Variants in ZNF407 observed in about 807,000 individuals in gnomAD.
ZNF407 encodes zinc finger protein 407.
ZNF407 carries 17 observed loss-of-function variants against 131.2 expected under a neutral mutation model. The observed-to-expected ratio is 0.13, with a 90% CI of 0.09 to 0.19. The LOEUF is 0.19. ZNF407 is among the 10% of genes least tolerant of loss of function. The pLI, the probability that ZNF407 is intolerant of heterozygous loss-of-function variation, is 1.00. For synonymous variants in ZNF407, 1,156 were observed against 1,062.0 expected, an observed-to-expected ratio of 1.09 and a Z score of -1.72; for missense variants, 2,681 against 2,830.6, an observed-to-expected ratio of 0.95 and a Z score of 1.20.
intron 1 of ZNF407, among the ~76,000 whole-genome samples, chr18:74,630,088 C>T (rs565465491): frequency 3.3e-5 from 5 of 151,020 alleles, no homozygotes; most frequent in African/African-American, 2.4e-5. Flanking sequence ...TGAGATTATA[C>T]GTGTTGTTCA....
rs2145241641 is a variant in ZNF407, at chr18:74,920,494, T to C, written c.5250-20T>C. 6.4e-7 allele frequency: 1 copy of C among 1,554,710 alleles called. No individual in the cohort carries two copies. Among genetic ancestry groups the C allele is most frequent in the East Asian group, 2.3e-5 (1 of 43,788 alleles). ...TTGGTTTGACCTTAATTAGATTTACTTTTCTGTCTTACTTGGTAGGTCAAA... is the reference window on the plus strand; with the variant it reads ...TTGGTTTGACCTTAATTAGATTTACCTTTCTGTCTTACTTGGTAGGTCAAA... On this transcript the variant is annotated intron_variant, in intron 7 of 8. Transcript: ENST00000299687.
intron 3 of ZNF407, among the ~76,000 whole-genome samples, chr18:74,725,664 T>G (rs1968139638): frequency 6.6e-6 from 1 of 152,192 alleles, no homozygotes; most frequent in South Asian, 2.1e-4. Flanking sequence ...AATTTCAGTC[T>G]CTTAGAGTTT....
chr18:74,926,535 G>A (rs1275958260), intron 8 of ZNF407, among the ~76,000 whole-genome samples: 1 of 152,124 alleles, frequency 6.6e-6, no homozygotes. Flanking sequence ...CAGGCGTGGT[G>A]GCTCACGCCT....
intron 4 of ZNF407, among the ~76,000 whole-genome samples, chr18:74,816,078 T>C (rs1568228203): frequency 6.6e-6 from 1 of 152,218 alleles, no homozygotes; most frequent in African/African-American, 2.4e-5. Flanking sequence ...CATGACTGAA[T>C]GTACAGGATA....
At chr18:74,900,441 C>T (rs957112633) in intron 7 of ZNF407, among the ~76,000 whole-genome samples, 5 of 152,256 alleles carry the variant, frequency 3.3e-5, no homozygotes, top group African/African-American at 1.2e-4. Flanking sequence ...ACCTATACAC[C>T]CCAAAAGGTG....
At chr18:74,816,958 A>G (rs1332899349) in intron 4 of ZNF407, among the ~76,000 whole-genome samples, 2 of 152,194 alleles carry the variant, frequency 1.3e-5, no homozygotes, top group Non-Finnish European at 2.9e-5. Flanking sequence ...GTTTGTGCAC[A>G]AAAAATTTAT....
intron 8 of ZNF407, among the ~76,000 whole-genome samples, chr18:74,958,156 T>C (rs1389510295): frequency 6.6e-6 from 1 of 152,206 alleles, no homozygotes; most frequent in Non-Finnish European, 1.5e-5. Flanking sequence ...CTTCATTCTT[T>C]CATTATGTAT....
chr18:74,790,445 G>A (rs1969804679), intron 4 of ZNF407, among the ~76,000 whole-genome samples: 1 of 152,184 alleles, frequency 6.6e-6, no homozygotes, highest in Non-Finnish European at 1.5e-5. Flanking sequence ...TAGTCTGATA[G>A]TAGACTCAGA....
rs975202604 is a variant in ZNF407, at chr18:74,891,446, G to A, written c.5249+1408G>A. On this transcript the variant is annotated intron_variant, in intron 7 of 8. Transcript: ENST00000299687. Reference sequence around the variant, plus strand: ...GTATTCCTGTGGATCTAGCCTACGCGTTTAGCAAATATATTGCCATAATCT... The same window carrying A: ...GTATTCCTGTGGATCTAGCCTACGCATTTAGCAAATATATTGCCATAATCT... Among the ~76,000 whole-genome samples the A allele has an allele frequency of 4.7e-4, 71 of 152,210 alleles. 1 individual carries two copies. The highest frequency in any genetic ancestry group is 1.5e-3 in the African/African-American group (64 of 41,514).
At chr18:74,803,947 A>C in intron 4 of ZNF407, 1 of 1,550,266 alleles carries the variant, frequency 6.5e-7, no homozygotes, top group Non-Finnish European at 8.7e-7. Context: ...AACAAACTTG[A>C]TTGTCCTTGG....
chr18:74,631,100 A>G lies in ZNF407; in HGVS notation c.81A>G (p.Ser27=). The G allele has an allele frequency of 1.9e-6, 3 of 1,613,886 alleles. No homozygotes were observed. The highest frequency in any genetic ancestry group is 1.6e-4 in the Middle Eastern group (1 of 6,062). The part of the protein sequence containing the change: ...NKEAQDLTKL[S]SHNEDGGPVS... ...AAGCACAAGACTTGACAAAGCTTTC[A>G]TCCCATAATGAAGACGGTGGGCCTG... The change falls in exon 2 of 9, where the codon TCA becomes TCG. Residue 27 remains serine (S), a synonymous_variant. Transcript: ENST00000299687.
At chr18:74,968,312 A>G (rs985857141) in intron 8 of ZNF407, among the ~76,000 whole-genome samples, 3 of 152,174 alleles carry the variant, frequency 2.0e-5, no homozygotes, top group African/African-American at 7.2e-5. Context: ...AGCCTTGAAT[A>G]TAGTTTTTGC....
intron 3 of ZNF407, among the ~76,000 whole-genome samples, chr18:74,666,165 C>T (rs149075565): frequency 5.3e-5 from 8 of 152,234 alleles, no homozygotes; most frequent in South Asian, 4.2e-4. Context: ...AGGGTGAGGG[C>T]GCTCTGTGTG....
intron 8 of ZNF407, among the ~76,000 whole-genome samples, chr18:75,043,838 G>A (rs1973401570): frequency 6.6e-6 from 1 of 152,158 alleles, no homozygotes; most frequent in African/African-American, 2.4e-5. Context: ...TGGTCCAACT[G>A]AGGACATATA....
At chr18:74,986,081 C>T (rs1212988945) in intron 8 of ZNF407, among the ~76,000 whole-genome samples, 1 of 152,210 alleles carries the variant, frequency 6.6e-6, no homozygotes, top group African/African-American at 2.4e-5. Context: ...ATCTCCATGT[C>T]ACTGTGTGTC....
chr18:74,779,109 A>ATATATATTTTT (rs397943457), intron 3 of ZNF407, among the ~76,000 whole-genome samples: 1 of 24,378 alleles, frequency 4.1e-5, no homozygotes, highest in Non-Finnish European at 7.2e-5. Context: ...ATATATATAT[A>ATATATATTTTT]TTTTTTTTTT....
chr18:74,679,351 G>A (rs1249229981), intron 3 of ZNF407, among the ~76,000 whole-genome samples: 1 of 152,148 alleles, frequency 6.6e-6, no homozygotes, highest in Non-Finnish European at 1.5e-5. Context: ...AACTGGACTT[G>A]TCCAACATGA....
chr18:74,996,608 A>T (rs552318526), intron 8 of ZNF407, among the ~76,000 whole-genome samples: 1 of 152,194 alleles, frequency 6.6e-6, no homozygotes, highest in African/African-American at 2.4e-5. Context: ...CGAATATGGG[A>T]TGTAGAATTA....
intron 3 of ZNF407, among the ~76,000 whole-genome samples, chr18:74,678,619 A>C (rs1352612622): frequency 1.3e-5 from 2 of 151,788 alleles, no homozygotes; most frequent in African/African-American, 4.8e-5. Context: ...CTTTTTGTTA[A>C]CTCTTCAGTG....
Sources: gnomAD v4.1 joint callset for allele counts (sites outside exome capture counted in the v4.1 genomes callset) on GRCh38, gnomAD v4.1.1 for gene constraint, MANE v1.5 for transcripts, NCBI Gene and HGNC (gene_info 2026-07-23, HGNC 2026-07-21) for gene names.